Variants in CREM observed in about 807,000 individuals in gnomAD.
CREM encodes cAMP responsive element modulator.
In CREM, 13 loss-of-function variants were observed where a neutral mutation model predicts 37.3. That is an observed-to-expected ratio of 0.35 (90% CI 0.23 to 0.55). CREM has a LOEUF of 0.55. CREM is among the 20% of genes least tolerant of loss of function. CREM has a pLI of 0.88. For missense variants in CREM, 296 were observed against 362.3 expected (o/e 0.82, Z 1.49); for synonymous variants, 124 against 120.2 (o/e 1.03, Z -0.21).
At chr10:35,152,261 A>G (rs1467394459) in intron 3 of CREM, 2 of 152,162 alleles carry the variant, frequency 1.3e-5, no homozygotes, top group African/African-American at 4.8e-5. Flanking sequence ...GGTTGTTTTG[A>G]TTGTCCTGGC....
intron 5 of CREM, 94 bp from the exon 6 acceptor site, chr10:35,188,106 G>T: frequency 8.3e-7 from 1 of 1,199,006 alleles, no homozygotes; most frequent in Non-Finnish European, 1.1e-6. Context: ...AAGAAGCAAT[G>T]GTAATAAATA....
intron 6 of CREM, chr10:35,201,615 T>A: frequency 8.0e-7 from 1 of 1,252,590 alleles, no homozygotes; most frequent in Non-Finnish European, 1.1e-6. Context: ...AATTTTCTTT[T>A]CCCATGAAAT....
intron 6 of CREM, among the ~76,000 whole-genome samples, chr10:35,199,924 T>C (rs1415258521): frequency 2.7e-5 from 4 of 145,554 alleles, no homozygotes; most frequent in African/African-American, 7.6e-5. Flanking sequence ...AGTTTCACTC[T>C]TGTTGCCCAG....
rs1057108 is a variant in CREM, at chr10:35,196,021, T to G, written c.598+7633T>G. On this transcript the variant is annotated intron_variant, in intron 6 of 7. Coordinates refer to ENST00000685392, the MANE Select transcript of CREM (RefSeq NM_183011.2). Reference sequence around the variant, plus strand: ...TACTTTAACATTTCTTTTGAAGTGGTTGTCTGCTTGAAGAGGGAAACACGT... The same window carrying G: ...TACTTTAACATTTCTTTTGAAGTGGGTGTCTGCTTGAAGAGGGAAACACGT... 0.34 allele frequency: 554,477 copies of G among 1,607,806 alleles called. 96,394 individuals carry two copies. Among genetic ancestry groups the G allele is most frequent in the Non-Finnish European group, 0.35 (409,673 of 1,174,824 alleles).
intron 3 of CREM, among the ~76,000 whole-genome samples, chr10:35,164,066 G>C (rs933464698): frequency 1.3e-5 from 2 of 151,710 alleles, no homozygotes; most frequent in African/African-American, 4.8e-5. Flanking sequence ...TAGTGTTGAA[G>C]GTATTTTTCA....
At chr10:35,193,451 T>C (rs746095556) in intron 6 of CREM, among the ~76,000 whole-genome samples, 54 of 152,312 alleles carry the variant, frequency 3.5e-4, no homozygotes, top group Non-Finnish European at 6.9e-4. Flanking sequence ...CAATTTCTTA[T>C]TGATTTTCTG....
At chr10:35,186,775 CAAATT>C (rs1450077209) in intron 5 of CREM, among the ~76,000 whole-genome samples, 2 of 122,966 alleles carry the variant, frequency 1.6e-5, no homozygotes, top group African/African-American at 6.2e-5. Flanking sequence ...TAATATATAA[CAAATT>C]ATATATAACA....
chr10:35,175,856 TC>T (rs2094038710), intron 3 of CREM: 1 of 1,579,348 alleles, frequency 6.3e-7, no homozygotes, highest in Non-Finnish European at 8.6e-7. Context: ...TTGGCAGGTT[TC>T]TGTGGCTGGA....
At chr10:35,199,504 T>TA (rs2095319414) in intron 6 of CREM, among the ~76,000 whole-genome samples, 1 of 152,164 alleles carries the variant, frequency 6.6e-6, no homozygotes, top group Admixed American at 6.6e-5. Context: ...ATACCAACTA[T>TA]AGAAAGTGCT....
At chr10:35,206,270 G>A (rs1482166537) in intron 6 of CREM, among the ~76,000 whole-genome samples, 1 of 150,930 alleles carries the variant, frequency 6.6e-6, no homozygotes, top group South Asian at 2.1e-4. Context: ...ATATGTGTGT[G>A]TATAAATATG....
intron 3 of CREM, among the ~76,000 whole-genome samples, chr10:35,177,148 A>G (rs1308555253): frequency 6.6e-6 from 1 of 152,176 alleles, no homozygotes; most frequent in Non-Finnish European, 1.5e-5. Flanking sequence ...GTGTTCAAGT[A>G]GTTTATCACA....
intron 6 of CREM, chr10:35,196,206 T>G: frequency 8.7e-7 from 1 of 1,146,356 alleles, no homozygotes; most frequent in Non-Finnish European, 1.3e-6. Context: ...ATCCTCTTAC[T>G]CCATCTATAG....
At chr10:35,144,658 G>C (rs1487284209) in intron 2 of CREM, among the ~76,000 whole-genome samples, 1 of 151,938 alleles carries the variant, frequency 6.6e-6, no homozygotes, top group Non-Finnish European at 1.5e-5. Context: ...ACATTTTCAT[G>C]TATAAAACAT....
intron 6 of CREM, among the ~76,000 whole-genome samples, chr10:35,191,692 GCTGCTTCT>G (rs1341633819): frequency 6.6e-6 from 1 of 152,068 alleles, no homozygotes; most frequent in Non-Finnish European, 1.5e-5. Flanking sequence ...TTCTCTCTCT[GCTGCTTCT>G]CTGTCAGTCC....
chr10:35,167,619 T>C, intron 3 of CREM: 1 of 1,040,254 alleles, frequency 9.6e-7, no homozygotes, highest in African/African-American at 1.6e-5. Flanking sequence ...GTTATAAGTG[T>C]CACTATTAGG....
intron 2 of CREM, among the ~76,000 whole-genome samples, chr10:35,147,489 C>T (rs1332021633): frequency 6.6e-6 from 1 of 152,098 alleles, no homozygotes; most frequent in East Asian, 1.9e-4. Flanking sequence ...ACACAAACTT[C>T]AAATCACATC....
intron 7 of CREM, chr10:35,209,464 G>A (rs1356926107): frequency 7.2e-6 from 5 of 690,838 alleles, no homozygotes; most frequent in African/African-American, 2.0e-5. Flanking sequence ...ATCTACTGAT[G>A]TGATCGGGGA....
At chr10:35,149,418 G>A (rs780648004) in intron 3 of CREM, among the ~76,000 whole-genome samples, 9 of 152,066 alleles carry the variant, frequency 5.9e-5, no homozygotes, top group Non-Finnish European at 1.2e-4. Context: ...GTAGAGGATC[G>A]TATACATTTC....
intron 3 of CREM, chr10:35,167,749 A>G: frequency 5.0e-6 from 8 of 1,614,132 alleles, no homozygotes; most frequent in South Asian, 1.1e-5. Context: ...AGCATAATCT[A>G]TGTTTCAGGC....
Sources: allele counts gnomAD v4.1 joint callset (sites outside exome capture counted in the v4.1 genomes callset), GRCh38; gene constraint gnomAD v4.1.1; transcripts MANE v1.5; gene names NCBI Gene and HGNC (gene_info 2026-07-23, HGNC 2026-07-21).